RBPMS: variants seen among roughly 807,000 people sequenced by gnomAD.
RBPMS encodes the protein RNA binding protein, mRNA processing factor.
RBPMS carries 7 observed loss-of-function variants against 26.8 expected under a neutral mutation model. The observed-to-expected ratio is 0.26, with a 90% CI of 0.15 to 0.49. The LOEUF (loss-of-function observed/expected upper bound fraction) is 0.49, where lower values mean the gene tolerates loss of function less well. Ranked by LOEUF, RBPMS falls within the 20% of genes least tolerant of loss-of-function variation. The probability of loss-of-function intolerance (pLI) is 0.98; values close to 1 mark genes in which losing one functional copy is unlikely to be tolerated. For missense variants in RBPMS, 186 were observed against 250.0 expected (o/e 0.74, Z 1.73); for synonymous variants, 96 against 93.3 (o/e 1.03, Z -0.17).
chr8:30,411,681 A>AAAAT (rs1554507355), intron 1 of RBPMS, among the ~76,000 whole-genome samples: 1 of 127,960 alleles, frequency 7.8e-6, no homozygotes, highest in Non-Finnish European at 1.6e-5. Context: ...AAAAAAAAAA[A>AAAAT]AAAGAAAAAG....
At chr8:30,548,407 G>A (rs1173261335) in intron 6 of RBPMS, among the ~76,000 whole-genome samples, 1 of 152,124 alleles carries the variant, frequency 6.6e-6, no homozygotes, top group Admixed American at 6.5e-5. Flanking sequence ...CACAGTGTGG[G>A]GCCAGAAGCT....
At chr8:30,440,998 T>G (rs1304283528) in intron 1 of RBPMS, among the ~76,000 whole-genome samples, 1 of 148,204 alleles carries the variant, frequency 6.7e-6, no homozygotes, top group African/African-American at 2.6e-5. Flanking sequence ...TTTTTTTGTT[T>G]GGCTTTTAAT....
Position 30,477,807 on chromosome 8 carries a change from G to A in RBPMS, c.153G>A (p.Glu51=). 6.2e-7 allele frequency: 1 copy of A among 1,609,074 alleles called. No individual in the cohort carries two copies. Among genetic ancestry groups the A allele is most frequent in the Non-Finnish European group, 8.5e-7 (1 of 1,175,796 alleles). Residue 51 remains glutamate, a synonymous_variant, in exon 3 of 9, where the codon GAG becomes GAA. Transcript: ENST00000397323. ...TTTTTCTTTATTTTCAGGGCTATGA[G>A]GGTTCTCTTATAAAGCTCACATCTA... ...YLLFRPFKGY[E]GSLIKLTSKQ... is the part of the protein sequence containing the mutation.
chr8:30,554,081 T>C (rs1049215445), intron 6 of RBPMS, among the ~76,000 whole-genome samples: 4 of 152,216 alleles, frequency 2.6e-5, no homozygotes, highest in African/African-American at 9.6e-5. Context: ...CTGCCCAAGC[T>C]ACTGTTATTA....
Position 30,384,977 on chromosome 8 carries a change from C to T in RBPMS, c.-116C>T. The stretch of plus-strand genomic sequence containing the variant: ...CCGGCTCCAGCTCCAGCCCCACAGC[C>T]CGCGGCGCCCGCCCGAGGGAGCCCC... On this transcript the variant is annotated 5_prime_UTR_variant, in exon 1 of 9. Coordinates refer to ENST00000397323, the MANE Select transcript of RBPMS (RefSeq NM_001008710.3). This position sits in a 1 kb window ranked among gnomAD's most constrained non-coding sequence, Gnocchi z 5.6. 2 of 668,390 alleles carry T rather than the reference C, an allele frequency of 3.0e-6. No individual in the cohort carries two copies. Among genetic ancestry groups the T allele is most frequent in the East Asian group, 3.8e-5 (1 of 26,426 alleles). 41.4% of individuals were successfully genotyped at this position (668,390 alleles called of 1,614,324 possible).
At chr8:30,433,336 T>A (rs1483681462) in intron 1 of RBPMS, among the ~76,000 whole-genome samples, 1 of 152,202 alleles carries the variant, frequency 6.6e-6, no homozygotes, top group Non-Finnish European at 1.5e-5. Flanking sequence ...TAACATTCCC[T>A]ATGTTTAGAT....
At chr8:30,562,036 A>C (rs1011219561) in intron 7 of RBPMS, 1 of 985,290 alleles carries the variant, frequency 1.0e-6, no homozygotes, top group Non-Finnish European at 1.2e-6. Context: ...GATCCGAATA[A>C]GAATATGTAA....
chr8:30,449,332 C>T (rs1405707640), intron 1 of RBPMS, among the ~76,000 whole-genome samples: 1 of 151,538 alleles, frequency 6.6e-6, no homozygotes, highest in East Asian at 1.9e-4. Flanking sequence ...TTCTTGCCCC[C>T]ACCCAGCTCG....
chr8:30,431,266 G>T (rs1488945564), intron 1 of RBPMS, among the ~76,000 whole-genome samples: 1 of 152,124 alleles, frequency 6.6e-6, no homozygotes, highest in Non-Finnish European at 1.5e-5. Context: ...TCATAGGAAA[G>T]ATTGCCTTAC....
At chr8:30,420,440 C>CG in intron 1 of RBPMS, among the ~76,000 whole-genome samples, 1 of 152,160 alleles carries the variant, frequency 6.6e-6, no homozygotes, top group African/African-American at 2.4e-5. Flanking sequence ...GAAAAGAACT[C>CG]GGGGGGACTT....
intron 5 of RBPMS, chr8:30,537,657 C>A (rs1365870334): frequency 2.2e-6 from 1 of 456,076 alleles, no homozygotes; most frequent in African/African-American, 2.0e-5. Flanking sequence ...GATTGATTCA[C>A]ATCCTGGCTC....
chr8:30,509,025 CA>C (rs1184617947), intron 5 of RBPMS, among the ~76,000 whole-genome samples: 1 of 152,104 alleles, frequency 6.6e-6, no homozygotes, highest in Non-Finnish European at 1.5e-5. Context: ...TCCTGTACTC[CA>C]GCTCCAAGGA....
chr8:30,494,106 A>T (rs371105869), intron 4 of RBPMS, among the ~76,000 whole-genome samples: 6 of 152,288 alleles, frequency 3.9e-5, no homozygotes, highest in Admixed American at 2.0e-4. Flanking sequence ...GGCCTCTAAG[A>T]TCTACTCAGA....
At position 30,411,681 on chromosome 8, in the gene RBPMS, A is replaced by AAAAAAAAAAAAAAG. The variant is rs1554507355; in HGVS notation, c.66+26526_66+26527insAAAAAAAAAAGAAA. On this transcript the variant is annotated intron_variant, in intron 1 of 8. Coordinates refer to ENST00000397323, the MANE Select transcript of RBPMS (RefSeq NM_001008710.3). ...CTGTCTCAGAAAAAAAAAAAAAAAAAAAAGAAAAAGGAAATGTTTAGGCCG... is the reference window on the plus strand; with the variant it reads ...CTGTCTCAGAAAAAAAAAAAAAAAAAAAAAAAAAAAAAAGAAAGAAAAAGGAAATGTTTAGGCCG... 2.4e-4 allele frequency among the ~76,000 whole-genome samples: 31 copies of AAAAAAAAAAAAAAG among 127,922 alleles called. 1 individual carries two copies. Among genetic ancestry groups the AAAAAAAAAAAAAAG allele is most frequent in the Non-Finnish European group, 3.0e-4 (19 of 62,678 alleles). The allele number at this position is 127,922 out of a possible 152,430, so 83.9% of individuals were successfully genotyped here. A position where few individuals can be genotyped will look rare whatever the true frequency, so the allele number is the denominator to read the frequency against.
chr8:30,450,060 T>C (rs893188389), intron 1 of RBPMS, among the ~76,000 whole-genome samples: 1 of 152,218 alleles, frequency 6.6e-6, no homozygotes, highest in African/African-American at 2.4e-5. Context: ...GGCTCACAGA[T>C]GGAAGGCAGG....
intron 1 of RBPMS, among the ~76,000 whole-genome samples, chr8:30,438,359 G>A (rs1812707287): frequency 6.6e-6 from 1 of 152,242 alleles, no homozygotes; most frequent in Non-Finnish European, 1.5e-5. Context: ...CAATGAAGGA[G>A]ACTGACCGTA....
chr8:30,458,789 G>A (rs113785501), intron 1 of RBPMS, among the ~76,000 whole-genome samples: 2,000 of 152,240 alleles, frequency 0.013, 31 homozygotes, highest in Non-Finnish European at 0.018. Context: ...ATGGCTCACT[G>A]CAGCCTCAAC....
chr8:30,392,135 G>A (rs1000562505), intron 1 of RBPMS, among the ~76,000 whole-genome samples: 10 of 152,044 alleles, frequency 6.6e-5, no homozygotes, highest in Admixed American at 6.6e-4. Context: ...AACCACGCCC[G>A]AGGTTAAAGT....
chr8:30,415,863 G>A (rs1183481515), intron 1 of RBPMS, among the ~76,000 whole-genome samples: 1 of 152,222 alleles, frequency 6.6e-6, no homozygotes, highest in Non-Finnish European at 1.5e-5. Flanking sequence ...ACATACTGAT[G>A]TCTTCATCTA....
Sources: allele counts gnomAD v4.1 joint callset (sites outside exome capture counted in the v4.1 genomes callset), GRCh38; gene constraint gnomAD v4.1.1; non-coding constraint Gnocchi (gnomAD v3.1); transcripts MANE v1.5; gene names NCBI Gene and HGNC (gene_info 2026-07-23, HGNC 2026-07-21).